ZC3H7B: variants seen among roughly 807,000 people sequenced by gnomAD.
The protein encoded by ZC3H7B is zinc finger CCCH domain-containing protein 7B.
A neutral mutation model predicts 116.0 loss-of-function variants in ZC3H7B; 35 were observed. The observed-to-expected ratio is 0.30, with a 90% confidence interval of 0.23 to 0.40. The LOEUF (loss-of-function observed/expected upper bound fraction) is 0.40, where lower values mean the gene tolerates loss of function less well. ZC3H7B is among the 10% of genes least tolerant of loss of function. The pLI, the probability that ZC3H7B is intolerant of heterozygous loss-of-function variation, is 1.00. For missense variants in ZC3H7B, 1,011 were observed against 1,321.5 expected, an observed-to-expected ratio of 0.77 and a Z score of 3.64; for synonymous variants, 502 against 545.6, an observed-to-expected ratio of 0.92 and a Z score of 1.11.
intron 12 of ZC3H7B, among the ~76,000 whole-genome samples, chr22:41,343,000 C>T (rs1390364633): frequency 6.6e-6 from 1 of 152,138 alleles, no homozygotes; most frequent in East Asian, 1.9e-4. Flanking sequence ...TGGTGAAATC[C>T]TGTCTCTACT....
intron 1 of ZC3H7B, among the ~76,000 whole-genome samples, chr22:41,314,436 T>C (rs937892133): frequency 3.3e-5 from 5 of 150,006 alleles, no homozygotes; most frequent in African/African-American, 9.8e-5. Flanking sequence ...GGATTACAGG[T>C]GTGAGCCACT....
At chr22:41,324,481 G>A (rs935852413) in intron 2 of ZC3H7B, among the ~76,000 whole-genome samples, 5 of 152,344 alleles carry the variant, frequency 3.3e-5, no homozygotes, top group Admixed American at 2.0e-4. Context: ...GAGTCCTTGC[G>A]CCACTCTGAG....
chr22:41,304,459 T>C (rs939980676), intron 1 of ZC3H7B, among the ~76,000 whole-genome samples: 1 of 152,204 alleles, frequency 6.6e-6, no homozygotes, highest in Non-Finnish European at 1.5e-5. Context: ...ACTTTTCAAG[T>C]GCCTCTTGTG....
At chr22:41,326,964 A>G (rs2036326984) in intron 4 of ZC3H7B, among the ~76,000 whole-genome samples, 1 of 152,030 alleles carries the variant, frequency 6.6e-6, no homozygotes, top group African/African-American at 2.4e-5. Flanking sequence ...CTTCCCTGCA[A>G]TATCCTGCCC....
At chr22:41,324,365 C>T (rs995557093) in intron 2 of ZC3H7B, among the ~76,000 whole-genome samples, 7 of 152,218 alleles carry the variant, frequency 4.6e-5, no homozygotes, top group African/African-American at 1.7e-4. Flanking sequence ...CTCTCACGCA[C>T]TAGCCTAGGC....
rs763457709 is a variant in ZC3H7B at position 41,338,271 on chromosome 22, G to A, written c.583-42G>A. On this transcript the variant is annotated intron_variant, in intron 7 of 22. Transcript: ENST00000352645. The surrounding 1 kb of genome is among the most constrained non-coding windows in gnomAD (Gnocchi z 4.5). Reference sequence around the variant, plus strand: ...GGCTGGTGCTGGGTGCTGGGATCGGGGCCTTCCCAGCCACAGCGCCACTGT... The same window carrying A: ...GGCTGGTGCTGGGTGCTGGGATCGGAGCCTTCCCAGCCACAGCGCCACTGT... 6.2e-7 allele frequency: 1 copy of A among 1,604,540 alleles called. No homozygotes were observed. Among genetic ancestry groups the A allele is most frequent in the East Asian group, 2.2e-5 (1 of 44,654 alleles).
At chr22:41,347,341 C>G (rs959601429) in intron 14 of ZC3H7B, among the ~76,000 whole-genome samples, 6 of 152,270 alleles carry the variant, frequency 3.9e-5, no homozygotes, top group Non-Finnish European at 8.8e-5. Flanking sequence ...CCTCGGCCCT[C>G]CTGGCTTCAG....
chr22:41,316,505 G>T (rs1448035716), intron 1 of ZC3H7B, among the ~76,000 whole-genome samples: 1 of 150,336 alleles, frequency 6.7e-6, no homozygotes, highest in Non-Finnish European at 1.5e-5. Context: ...CATGTTGGCT[G>T]GGCTGGTCTC....
At chr22:41,339,218 C>T in intron 9 of ZC3H7B, 27 bp downstream of exon 9, 1 of 1,576,578 alleles carries the variant, frequency 6.3e-7, no homozygotes, top group Non-Finnish European at 8.6e-7. Flanking sequence ...TCCTTGTGCT[C>T]CCCTGATCCC....
intron 2 of ZC3H7B, among the ~76,000 whole-genome samples, chr22:41,323,415 A>G (rs1378505437): frequency 6.6e-6 from 1 of 152,162 alleles, no homozygotes; most frequent in African/African-American, 2.4e-5. Context: ...AGCCTCAGTC[A>G]CTGATGTCTG....
chr22:41,354,069 C>T (rs554230731), intron 17 of ZC3H7B, among the ~76,000 whole-genome samples: 217 of 152,286 alleles, frequency 1.4e-3, no homozygotes, highest in African/African-American at 5.1e-3. Context: ...CTCTTGCCAC[C>T]TGCTATGGCA....
At position 41,349,689 on chromosome 22, in the gene ZC3H7B, A is replaced by G; in HGVS notation, c.1948+388A>G. Reference sequence around the variant, plus strand: ...GCTCATCTGGGAAATGGGGAGCCCCATCTCTTCCTCACAGAGCTGCTGCGG... The same window carrying G: ...GCTCATCTGGGAAATGGGGAGCCCCGTCTCTTCCTCACAGAGCTGCTGCGG... On this transcript the variant is annotated intron_variant, in intron 16 of 22. Coordinates refer to ENST00000352645, the MANE Select transcript of ZC3H7B (RefSeq NM_017590.6). The surrounding 1 kb of genome is among the most constrained non-coding windows in gnomAD (Gnocchi z 4.9). 6.6e-6 allele frequency among the ~76,000 whole-genome samples: 1 copy of G among 152,096 alleles called. No homozygotes were observed. The highest frequency in any genetic ancestry group is 1.5e-5 in the Non-Finnish European group (1 of 68,002).
chr22:41,313,181 C>T (rs1166995818), intron 1 of ZC3H7B, among the ~76,000 whole-genome samples: 1 of 132,680 alleles, frequency 7.5e-6, no homozygotes, highest in Non-Finnish European at 1.6e-5. Flanking sequence ...TGCAGTGGCG[C>T]GATATCAGCT....
chr22:41,355,043 A>C (rs148064205), intron 17 of ZC3H7B, among the ~76,000 whole-genome samples: 1 of 152,200 alleles, frequency 6.6e-6, no homozygotes, highest in Non-Finnish European at 1.5e-5. Flanking sequence ...GGACAGCTGC[A>C]GCTTAGGAGA....
rs926917177 is a variant in ZC3H7B at position 41,302,114 on chromosome 22, CCT to C, written c.-7+349_-7+350del. Among the ~76,000 whole-genome samples, 8 of 152,026 alleles carry C rather than the reference CCT, an allele frequency of 5.3e-5. No homozygotes were observed. The highest frequency in any genetic ancestry group is 1.3e-4 in the Admixed American group (2 of 15,288). On this transcript the variant is annotated intron_variant, in intron 1 of 22. Transcript: ENST00000352645. This position sits in a 1 kb window ranked among gnomAD's most constrained non-coding sequence, Gnocchi z 5.7. ...GAGGTGTCTTGAAATTTTCGTGGGG[CCT>C]CTCTCTTCGGCGTCCGGAGCTTCTG...
intron 7 of ZC3H7B, 130 bp downstream of exon 7, chr22:41,332,357 T>C (rs2145921474): frequency 9.0e-7 from 1 of 1,111,064 alleles, no homozygotes; most frequent in Non-Finnish European, 1.4e-6. Flanking sequence ...GTACCTCCCG[T>C]GTCCACGGGG....
At chr22:41,320,784 C>T in intron 2 of ZC3H7B, 71 bp downstream of exon 2, 1 of 1,589,548 alleles carries the variant, frequency 6.3e-7, no homozygotes, top group South Asian at 1.1e-5. Context: ...CCATGCCCTC[C>T]CAGCGCTCCC....
Position 41,302,161 on chromosome 22 carries a change from C to G in ZC3H7B, c.-7+389C>G, listed in dbSNP as rs539660523. 6.6e-6 allele frequency among the ~76,000 whole-genome samples: 1 copy of G among 151,972 alleles called. No individual in the cohort carries two copies. Among genetic ancestry groups the G allele is most frequent in the Non-Finnish European group, 1.5e-5 (1 of 67,964 alleles). Reference sequence around the variant, plus strand: ...CTTCTGGGGTGTCCAGATGCTTTGCCGACCCCGCGCAGGGGGTCTCGGGGG... The same window carrying G: ...CTTCTGGGGTGTCCAGATGCTTTGCGGACCCCGCGCAGGGGGTCTCGGGGG... On this transcript the variant is annotated intron_variant, in intron 1 of 22. Coordinates refer to ENST00000352645, the MANE Select transcript of ZC3H7B (RefSeq NM_017590.6). The surrounding 1 kb of genome is among the most constrained non-coding windows in gnomAD (Gnocchi z 5.7).
At position 41,327,203 on chromosome 22, in the gene ZC3H7B, C is replaced by T; in HGVS notation, c.286-3C>T. Reference sequence around the variant, plus strand: ...CCAGTGACCACATGCTCCTCTCTGGCAGGGCCTGTATGAGAAGGCGCTGGA... The same window carrying T: ...CCAGTGACCACATGCTCCTCTCTGGTAGGGCCTGTATGAGAAGGCGCTGGA... On this transcript the variant is annotated splice_polypyrimidine_tract_variant and splice_region_variant and intron_variant, in intron 4 of 22. Coordinates refer to ENST00000352645, the MANE Select transcript of ZC3H7B (RefSeq NM_017590.6). This position sits in a 1 kb window ranked among gnomAD's most constrained non-coding sequence, Gnocchi z 4.5. 1.2e-6 allele frequency: 2 copies of T among 1,613,654 alleles called. No homozygotes were observed. The highest frequency in any genetic ancestry group is 1.1e-5 in the South Asian group (1 of 91,084).
Sources: gnomAD v4.1 joint callset for allele counts (sites outside exome capture counted in the v4.1 genomes callset) on GRCh38, gnomAD v4.1.1 for gene constraint, Gnocchi (gnomAD v3.1) non-coding constraint, MANE v1.5 for transcripts, NCBI Gene and HGNC (gene_info 2026-07-23, HGNC 2026-07-21) for gene names.